Variants in OCA2 observed in about 807,000 individuals in gnomAD.
The protein encoded by OCA2 is P protein.
Under a neutral mutation model 100.2 loss-of-function variants are expected in OCA2, and 77 were observed. That is an observed-to-expected ratio of 0.77 (90% CI 0.64 to 0.93). The LOEUF is 0.93. Ranked by LOEUF, OCA2 falls within the 40% of genes least tolerant of loss-of-function variation. The pLI is 0.00. For missense variants in OCA2, 1,062 were observed against 1,089.1 expected, an observed-to-expected ratio of 0.98 and a Z score of 0.35; for synonymous variants, 432 against 439.2, an observed-to-expected ratio of 0.98 and a Z score of 0.21.
At chr15:28,013,269 G>T (rs1157576548) in intron 9 of OCA2, among the ~76,000 whole-genome samples, 1 of 152,052 alleles carries the variant, frequency 6.6e-6, no homozygotes, top group Non-Finnish European at 1.5e-5. Context: ...ACTGAATCAG[G>T]GTATAGAATA....
intron 23 of OCA2, among the ~76,000 whole-genome samples, chr15:27,815,001 A>G (rs1044259748): frequency 1.3e-5 from 2 of 152,112 alleles, no homozygotes; most frequent in African/African-American, 4.8e-5. Context: ...ATTTACCCCA[A>G]GGAAAATAAG....
intron 19 of OCA2, among the ~76,000 whole-genome samples, chr15:27,897,653 C>T (rs944401791): frequency 3.9e-5 from 6 of 152,210 alleles, no homozygotes; most frequent in Non-Finnish European, 7.3e-5. Context: ...TCTGCTAGGA[C>T]AGTGCAGCAG....
intron 23 of OCA2, among the ~76,000 whole-genome samples, chr15:27,767,026 A>C (rs1361404168): frequency 2.0e-5 from 3 of 152,142 alleles, no homozygotes; most frequent in Non-Finnish European, 2.9e-5. Context: ...CCCAGTTCCC[A>C]AATACCGGCC....
chr15:27,720,800 A>C, the OCA2 span, among the ~76,000 whole-genome samples: 1 of 152,198 alleles, frequency 6.6e-6, no homozygotes, highest in Non-Finnish European at 1.5e-5. Context: ...TTTATTATAC[A>C]GCAATAGTAC....
At chr15:27,869,669 C>T (rs58406701) in intron 21 of OCA2, among the ~76,000 whole-genome samples, 5,801 of 152,284 alleles carry the variant, frequency 0.038, 121 homozygotes, top group South Asian at 0.061. Flanking sequence ...CAGCTGTGAG[C>T]GCAGGGTCAG....
At chr15:27,829,060 C>A (rs2034843020) in intron 23 of OCA2, among the ~76,000 whole-genome samples, 1 of 152,134 alleles carries the variant, frequency 6.6e-6, no homozygotes, top group Non-Finnish European at 1.5e-5. Context: ...CTTGGGGAGG[C>A]AGTAGCCAAG....
At chr15:28,052,053 G>A (rs1438957186) in intron 2 of OCA2, among the ~76,000 whole-genome samples, 1 of 152,078 alleles carries the variant, frequency 6.6e-6, no homozygotes, top group African/African-American at 2.4e-5. Context: ...ACCCCCCTCA[G>A]GAACCAGATC....
chr15:27,936,412 T>C (rs1298948415), intron 18 of OCA2, among the ~76,000 whole-genome samples: 6 of 152,246 alleles, frequency 3.9e-5, no homozygotes, highest in African/African-American at 1.4e-4. Flanking sequence ...TCAATTATCA[T>C]GTAGACTGCA....
chr15:27,848,632 GC>G (rs1445350849), intron 22 of OCA2, among the ~76,000 whole-genome samples: 1 of 152,212 alleles, frequency 6.6e-6, no homozygotes, highest in African/African-American at 2.4e-5. Flanking sequence ...TCAAAACCAT[GC>G]CTGGCTCTGT....
intron 19 of OCA2, among the ~76,000 whole-genome samples, chr15:27,876,551 CA>C (rs1319065069): frequency 6.6e-6 from 1 of 152,006 alleles, no homozygotes; most frequent in Admixed American, 6.6e-5. Context: ...GAAAATTAAA[CA>C]GGGAAGCCAT....
At chr15:27,952,652 A>T (rs1389334725) in intron 17 of OCA2, among the ~76,000 whole-genome samples, 1 of 148,696 alleles carries the variant, frequency 6.7e-6, no homozygotes, top group Non-Finnish European at 1.5e-5. Flanking sequence ...TCTTTCTTTC[A>T]TTTATTTATT....
intron 2 of OCA2, among the ~76,000 whole-genome samples, chr15:28,065,980 C>T (rs568699265): frequency 3.3e-5 from 5 of 152,130 alleles, no homozygotes; most frequent in African/African-American, 1.2e-4. Context: ...TGTCTTTATT[C>T]ACAGACATGA....
rs967823688 is a variant in OCA2 at position 27,957,310 on chromosome 15, C to A, written c.1784+278G>T. 6.6e-6 allele frequency among the ~76,000 whole-genome samples: 1 copy of A among 152,168 alleles called. No individual in the cohort carries two copies. The highest frequency in any genetic ancestry group is 2.4e-5 in the African/African-American group (1 of 41,452). On this transcript the variant is annotated intron_variant, in intron 16 of 23. Coordinates refer to ENST00000354638, the MANE Select transcript of OCA2 (RefSeq NM_000275.3). The surrounding 1 kb of genome is among the most constrained non-coding windows in gnomAD (Gnocchi z 4.3). ...GCCCAGCGGTTGACAGTGAGAGCCC[C>A]ATCCCCAGTGCCACTCCTTCCGAGC... is the stretch of plus-strand genomic sequence containing the variant.
rs771620099 is a variant in OCA2 at position 27,871,216 on chromosome 15, CCAGGA to C, written c.2177_2181del (p.Val726GlyfsTer13). On this transcript the variant is annotated frameshift_variant, in exon 21 of 24. Transcript: ENST00000354638. LOFTEE classifies it high-confidence loss of function. Reference sequence around the variant, plus strand: ...GACGCCAGGGCTGAGACCCACACCACCAGGACAATGGCGGCTATGAGGCGCTGCTC... The same window carrying C: ...GACGCCAGGGCTGAGACCCACACCACCAATGGCGGCTATGAGGCGCTGCTC... The C allele has an allele frequency of 9.9e-6, 16 of 1,614,052 alleles. No individual in the cohort carries two copies. In the African/African-American group the frequency reaches 2.1e-4, roughly 22 times the overall value.
At chr15:27,810,270 T>G (rs182924321) in intron 23 of OCA2, among the ~76,000 whole-genome samples, 48 of 152,312 alleles carry the variant, frequency 3.2e-4, no homozygotes, top group East Asian at 1.9e-4. Context: ...GACACCCTAT[T>G]TACTAAATGG....
At chr15:27,970,788 A>AG (rs2040755174) in intron 14 of OCA2, among the ~76,000 whole-genome samples, 1 of 151,894 alleles carries the variant, frequency 6.6e-6, no homozygotes, top group African/African-American at 2.4e-5. Context: ...ACAGTATGGC[A>AG]GGGAAAGCCT....
intron 23 of OCA2, among the ~76,000 whole-genome samples, chr15:27,831,213 G>A (rs1185392419): frequency 6.8e-6 from 1 of 146,952 alleles, no homozygotes; most frequent in Non-Finnish European, 1.5e-5. Flanking sequence ...TTGAACCAGG[G>A]AGTCCGAGGT....
chr15:28,029,091 A>G (rs1185499462), intron 3 of OCA2, among the ~76,000 whole-genome samples: 1 of 152,222 alleles, frequency 6.6e-6, no homozygotes, highest in Non-Finnish European at 1.5e-5. Flanking sequence ...TGTATCATAT[A>G]GAATATTCAT....
At chr15:27,777,777 G>A (rs944366980) in intron 23 of OCA2, among the ~76,000 whole-genome samples, 7 of 152,200 alleles carry the variant, frequency 4.6e-5, no homozygotes, top group Non-Finnish European at 1.0e-4. Flanking sequence ...CAGAGGTCAG[G>A]AGCACCTGGA....
Sources: allele counts gnomAD v4.1 joint callset (sites outside exome capture counted in the v4.1 genomes callset), GRCh38; gene constraint gnomAD v4.1.1; non-coding constraint Gnocchi (gnomAD v3.1); transcripts MANE v1.5; gene names NCBI Gene and HGNC (gene_info 2026-07-23, HGNC 2026-07-21).